RYR2: variants seen among roughly 807,000 people sequenced by gnomAD.
The protein encoded by RYR2 is cardiac muscle ryanodine receptor-calcium release channel.
RYR2 carries 227 observed loss-of-function variants against 601.1 expected under a neutral mutation model. That is an observed-to-expected ratio of 0.38 (90% CI 0.34 to 0.42). The LOEUF is 0.42. RYR2 is among the 10% of genes least tolerant of loss of function. The pLI, the probability that RYR2 is intolerant of heterozygous loss-of-function variation, is 1.00. For missense variants in RYR2, 4,646 were observed against 6,156.5 expected, an observed-to-expected ratio of 0.75 and a Z score of 8.21; for synonymous variants, 2,223 against 2,175.1, an observed-to-expected ratio of 1.02 and a Z score of -0.61.
intron 1 of RYR2, among the ~76,000 whole-genome samples, chr1:237,064,751 C>CTTTTTTT (rs551797601): frequency 2.1e-4 from 23 of 109,964 alleles, no homozygotes; most frequent in African/African-American, 5.6e-4. Context: ...TAGAACCTGT[C>CTTTTTTT]TTTTTTTTTT....
At chr1:237,563,856 A>G (rs951415729) in intron 27 of RYR2, among the ~76,000 whole-genome samples, 5 of 152,182 alleles carry the variant, frequency 3.3e-5, no homozygotes, top group African/African-American at 1.2e-4. Context: ...TATATTAGAA[A>G]CCAAACACAG....
At chr1:237,496,190 G>A (rs192158709) in intron 19 of RYR2, among the ~76,000 whole-genome samples, 266 of 152,286 alleles carry the variant, frequency 1.7e-3, no homozygotes, top group Non-Finnish European at 2.5e-3. Context: ...GATCACTTGA[G>A]CTCAGAAGTT....
intron 1 of RYR2, among the ~76,000 whole-genome samples, chr1:237,054,235 T>C (rs1479753714): frequency 1.4e-5 from 2 of 141,500 alleles, no homozygotes; most frequent in Admixed American, 7.1e-5. Flanking sequence ...TCCCTCCTTC[T>C]CTCCCTCCCT....
chr1:237,542,154 C>T (rs371860991), intron 25 of RYR2, among the ~76,000 whole-genome samples: 14 of 151,848 alleles, frequency 9.2e-5, no homozygotes, highest in Admixed American at 2.0e-4. Context: ...AGTGCGATGG[C>T]GCCATCTCGG....
At chr1:237,586,125 A>G (rs1047567777) in intron 29 of RYR2, among the ~76,000 whole-genome samples, 20 of 152,150 alleles carry the variant, frequency 1.3e-4, no homozygotes, top group Non-Finnish European at 2.4e-4. Context: ...TTTAAAATCA[A>G]CTTTTTGTTT....
At chr1:237,333,511 G>T (rs534094242) in intron 3 of RYR2, 2 of 437,892 alleles carry the variant, frequency 4.6e-6, no homozygotes, top group African/African-American at 2.0e-5. Flanking sequence ...GACCCCTGGG[G>T]TGGTCAGGGT....
At chr1:237,486,959 G>C (rs542863018) in intron 17 of RYR2, among the ~76,000 whole-genome samples, 2 of 151,974 alleles carry the variant, frequency 1.3e-5, no homozygotes, top group African/African-American at 2.4e-5. Context: ...ATGTTAAAAG[G>C]TTCTCTCAAA....
rs533278671 is a variant in RYR2, at chr1:237,289,137, G to C, written c.168+18521G>C. 2.0e-5 allele frequency among the ~76,000 whole-genome samples: 3 copies of C among 152,256 alleles called. No individual in the cohort carries two copies. In the South Asian group the frequency reaches 6.2e-4, roughly 32 times the overall value. Reference sequence around the variant, plus strand: ...GCCCTTTCCTACTTCCATGGTTGGGGCACTCACAGTTTTAGGGGGGTCTCC... The same window carrying C: ...GCCCTTTCCTACTTCCATGGTTGGGCCACTCACAGTTTTAGGGGGGTCTCC... On this transcript the variant is annotated intron_variant, in intron 2 of 104. Transcript: ENST00000366574.
chr1:237,591,377 T>G (rs112881935), intron 31 of RYR2, among the ~76,000 whole-genome samples: 2,273 of 152,178 alleles, frequency 0.015, 19 homozygotes, highest in Non-Finnish European at 0.024. Context: ...GCAGAGCATT[T>G]TCTCCAAATA....
At chr1:237,744,676 T>C (rs1314476159) in intron 80 of RYR2, among the ~76,000 whole-genome samples, 1 of 151,574 alleles carries the variant, frequency 6.6e-6, no homozygotes, top group Non-Finnish European at 1.5e-5. Flanking sequence ...AAAAAAGCTT[T>C]TTAGTTTGTA....
chr1:237,244,690 C>CCTTTCTCTTT (rs968229038), intron 1 of RYR2, among the ~76,000 whole-genome samples: 1 of 152,238 alleles, frequency 6.6e-6, no homozygotes, highest in East Asian at 1.9e-4. Flanking sequence ...GAGCTCTTTT[C>CCTTTCTCTTT]CTTTCTCTTT....
intron 1 of RYR2, among the ~76,000 whole-genome samples, chr1:237,080,735 A>T (rs1665515074): frequency 1.4e-5 from 1 of 71,148 alleles, no homozygotes; most frequent in South Asian, 5.9e-4. Flanking sequence ...TTCCTCAGGG[A>T]TCTAGAACTA....
At chr1:237,538,794 A>T (rs560909954) in intron 25 of RYR2, among the ~76,000 whole-genome samples, 126 of 152,126 alleles carry the variant, frequency 8.3e-4, no homozygotes, top group African/African-American at 2.9e-3. Flanking sequence ...AAAAAAAAAT[A>T]AAAATTTGAT....
intron 8 of RYR2, among the ~76,000 whole-genome samples, chr1:237,385,176 A>G (rs1464562058): frequency 6.6e-6 from 1 of 152,196 alleles, no homozygotes; most frequent in African/African-American, 2.4e-5. Context: ...GGCGTGAGCC[A>G]CCATGCCCGG....
chr1:237,700,120 C>A, intron 64 of RYR2, 109 bp from the exon 65 acceptor site: 4 of 724,730 alleles, frequency 5.5e-6, no homozygotes, highest in Non-Finnish European at 9.0e-6. Context: ...AAGTTGGTTA[C>A]CAGGTGAGTA....
At chr1:237,303,229 G>T (rs1166059211) in intron 2 of RYR2, among the ~76,000 whole-genome samples, 3 of 146,732 alleles carry the variant, frequency 2.0e-5, no homozygotes, top group Non-Finnish European at 4.5e-5. Flanking sequence ...GGTTATTAAA[G>T]TTCTAAAGGG....
At position 237,441,457 on chromosome 1, in the gene RYR2, G is replaced by A. The variant is rs370057029; in HGVS notation, c.1144G>A (p.Val382Met). ...LTYQSVDVKS[V>M]RMGSIQRKAI... ...TTACCAGTCTGTGGACGTGAAATCC[G>A]TGAGAATGGGATCTATACAACGTAA... The change falls in exon 13 of 105, where the codon GTG (valine) becomes ATG (methionine). Residue 382 changes from valine (V) to methionine (M), a missense_variant. Transcript: ENST00000366574. The A allele has an allele frequency of 1.3e-4, 207 of 1,595,420 alleles. No individual in the cohort carries two copies. The highest frequency in any genetic ancestry group is 1.7e-4 in the Middle Eastern group (1 of 5,978).
At chr1:237,053,853 A>G (rs1479994309) in intron 1 of RYR2, among the ~76,000 whole-genome samples, 2 of 152,168 alleles carry the variant, frequency 1.3e-5, no homozygotes, top group Non-Finnish European at 2.9e-5. Flanking sequence ...TTGGTGGAGG[A>G]GGCAGCATTT....
rs1280956433 is a variant in RYR2, at chr1:237,643,351, G to A, written c.7246G>A (p.Ala2416Thr). 2 of 1,613,554 alleles carry A rather than the reference G, an allele frequency of 1.2e-6. No individual in the cohort carries two copies. Among genetic ancestry groups the A allele is most frequent in the Non-Finnish European group, 1.7e-6 (2 of 1,179,738 alleles). ...GTTGATTCATGCCGGGAAGGGAGAA[G>A]CCATCAGAATTAGGTCCATTTTGAG... Reference protein sequence around the residue: ...MHLIHAGKGEAIRIRSILRSL... With the variant: ...MHLIHAGKGETIRIRSILRSL... The change falls in exon 48 of 105, where the codon GCC (alanine) becomes ACC (threonine). Residue 2416 changes from alanine (A) to threonine (T), a missense_variant. Ala to Thr is a moderately conservative substitution (Grantham distance 58). Around this residue, in one of 17 missense-constraint regions of RYR2, gnomAD observed 1,497 missense variants for 1,842.6 expected, o/e 0.81. Coordinates refer to ENST00000366574, the MANE Select transcript of RYR2 (RefSeq NM_001035.3).
Sources: gnomAD v4.1 joint callset for allele counts (sites outside exome capture counted in the v4.1 genomes callset) on GRCh38, gnomAD v4.1.1 for gene constraint, gnomAD v4.1.1 regional missense constraint, MANE v1.5 for transcripts, NCBI Gene and HGNC (gene_info 2026-07-23, HGNC 2026-07-21) for gene names.